DGKH: variants seen among roughly 807,000 people sequenced by gnomAD.
The protein encoded by DGKH is DAG kinase eta.
A neutral mutation model predicts 159.3 loss-of-function variants in DGKH; 90 were observed. The ratio of observed to expected loss-of-function variants is 0.57; its 90% CI spans 0.48 to 0.67. DGKH has a LOEUF of 0.67. DGKH is among the 30% of genes least tolerant of loss of function. The pLI, the probability that DGKH is intolerant of heterozygous loss-of-function variation, is 0.00. For synonymous variants in DGKH, 536 were observed against 553.8 expected, an observed-to-expected ratio of 0.97 and a Z score of 0.45; for missense variants, 1,181 against 1,506.1, an observed-to-expected ratio of 0.78 and a Z score of 3.57.
chr13:42,142,258 T>TCTGTTTTGGTACCAGTACCATG (rs1359638018), intron 3 of DGKH, among the ~76,000 whole-genome samples: 12 of 152,202 alleles, frequency 7.9e-5, no homozygotes, highest in Non-Finnish European at 1.6e-4. Flanking sequence ...GGTCTATATG[T>TCTGTTTTGGTACCAGTACCATG]CTGTTTTGGT....
intron 2 of DGKH, 81 bp downstream of exon 2, chr13:42,127,654 T>G: frequency 9.6e-7 from 1 of 1,038,980 alleles, no homozygotes; most frequent in Non-Finnish European, 1.5e-6. Flanking sequence ...TGTTTTTGTC[T>G]TGGAAGCGCA....
chr13:42,142,155 C>T (rs1038790398), intron 3 of DGKH, among the ~76,000 whole-genome samples: 1 of 152,092 alleles, frequency 6.6e-6, no homozygotes, highest in East Asian at 1.9e-4. Flanking sequence ...AATAGGGAAT[C>T]GTTTCCCCAT....
chr13:42,127,573 G>C lies in DGKH; in HGVS notation c.303G>C (p.Lys101Asn). Residue 101 changes from lysine (K) to asparagine (N), a missense_variant and splice_region_variant, in exon 2 of 30, where the codon AAG (lysine) becomes AAC (asparagine). This residue lies in a region of DGKH where 369 missense variants were observed against 519.4 expected (regional missense o/e 0.71). Transcript: ENST00000337343. ...CCCTTTACTATGCAAAGGACTCAAA[G>C]GTAACTCACGAGAATACTAGTTTCA... ...GRTLYYAKDS[K>N]SLIFDEVDLS... 4 of 1,612,578 alleles carry C rather than the reference G, an allele frequency of 2.5e-6. No homozygotes were observed. Among genetic ancestry groups the C allele is most frequent in the Non-Finnish European group, 3.4e-6 (4 of 1,179,062 alleles).
At chr13:42,255,270 A>G (rs1350577111) in intron 30 of DGKH, among the ~76,000 whole-genome samples, 1 of 152,140 alleles carries the variant, frequency 6.6e-6, no homozygotes, top group East Asian at 1.9e-4. Flanking sequence ...ATTTTATGAG[A>G]ATGAATGGAG....
At chr13:42,130,062 A>G (rs1166490112) in intron 3 of DGKH, among the ~76,000 whole-genome samples, 3 of 152,162 alleles carry the variant, frequency 2.0e-5, no homozygotes, top group African/African-American at 7.2e-5. Flanking sequence ...CACTTAGGTG[A>G]TTCATTCGGC....
intron 13 of DGKH, among the ~76,000 whole-genome samples, chr13:42,182,597 C>T (rs1305763876): frequency 6.6e-6 from 1 of 151,954 alleles, no homozygotes; most frequent in Non-Finnish European, 1.5e-5. Context: ...CTGTATTGTT[C>T]AGGGAATGAT....
chr13:42,129,395 T>C (rs1955241903), intron 2 of DGKH, among the ~76,000 whole-genome samples, 157 bp from the exon 3 acceptor site: 1 of 152,242 alleles, frequency 6.6e-6, no homozygotes, highest in Non-Finnish European at 1.5e-5. Flanking sequence ...ACTTTATGCT[T>C]TTATTTTTCC....
chr13:42,213,680 A>G (rs1251179878), intron 24 of DGKH, among the ~76,000 whole-genome samples: 2 of 152,148 alleles, frequency 1.3e-5, no homozygotes, highest in African/African-American at 4.8e-5. Context: ...ATAGGGCCTC[A>G]GTCCCTTTTC....
rs536815505 is a variant in DGKH at position 42,182,864 on chromosome 13, C to T, written c.1539-4185C>T. Reference sequence around the variant, plus strand: ...CATATCCCATTTCCCTTAGTTTTCTCAGAGGTTTTTCTGTGAACCTTGTCT... The same window carrying T: ...CATATCCCATTTCCCTTAGTTTTCTTAGAGGTTTTTCTGTGAACCTTGTCT... On this transcript the variant is annotated intron_variant, in intron 13 of 29. Transcript: ENST00000337343. Among the ~76,000 whole-genome samples the T allele has an allele frequency of 2.6e-5, 4 of 151,638 alleles. No homozygotes were observed. In the South Asian group the frequency reaches 6.2e-4, roughly 24 times the overall value.
chr13:42,225,150 T>C, intron 29 of DGKH: 1 of 723,612 alleles, frequency 1.4e-6, no homozygotes, highest in South Asian at 1.7e-5. Context: ...CTTGAACTCC[T>C]GGCCTCAAGA....
rs186937595 is a variant in DGKH, at chr13:42,199,156, A to G, written c.2286-410A>G. The stretch of plus-strand genomic sequence containing the variant: ...ATTGGATCTAGTACTTTTTTGCTCA[A>G]TAAATATTTGTCCATTGTTAAGTGT... On this transcript the variant is annotated intron_variant, in intron 18 of 29. Coordinates refer to ENST00000337343, the MANE Select transcript of DGKH (RefSeq NM_178009.5). Among the ~76,000 whole-genome samples the G allele has an allele frequency of 5.3e-5, 8 of 152,320 alleles. No homozygotes were observed. The East Asian group carries it at 1.3e-3, about 26-fold the overall frequency.
chr13:42,185,251 A>G (rs889194228), intron 13 of DGKH, among the ~76,000 whole-genome samples: 1 of 152,230 alleles, frequency 6.6e-6, no homozygotes, highest in Non-Finnish European at 1.5e-5. Context: ...TCCTTTTAGC[A>G]TATGGAACTT....
chr13:42,230,934 C>T lies in DGKH; in HGVS notation c.*1746C>T, dbSNP rs1025531030. On this transcript the variant is annotated 3_prime_UTR_variant, in exon 30 of 30. Transcript: ENST00000337343. ...TGGGTATTTAACTACTAGTAAAAATCACAAAATTTTAATGTCTTTAAAATA... is the reference window on the plus strand; with the variant it reads ...TGGGTATTTAACTACTAGTAAAAATTACAAAATTTTAATGTCTTTAAAATA... 1 of 152,070 alleles carries T rather than the reference C, an allele frequency of 6.6e-6. No homozygotes were observed. Among genetic ancestry groups the T allele is most frequent in the Non-Finnish European group, 1.5e-5 (1 of 68,004 alleles). The allele number at this position is 152,070 out of a possible 1,614,324, so 9.4% of individuals were successfully genotyped here.
chr13:42,072,270 A>G (rs1883024914), intron 1 of DGKH, among the ~76,000 whole-genome samples: 1 of 152,172 alleles, frequency 6.6e-6, no homozygotes, highest in Non-Finnish European at 1.5e-5. Context: ...CTTAAATCCC[A>G]GTTGTCCTAT....
intron 18 of DGKH, 38 bp from the exon 19 acceptor site, chr13:42,199,528 T>A (rs1387302073): frequency 7.3e-7 from 1 of 1,370,618 alleles, no homozygotes; most frequent in African/African-American, 1.5e-5. Context: ...ATAATGAATC[T>A]CAAATTGACT....
At chr13:42,100,434 A>G (rs1954631789) in intron 1 of DGKH, among the ~76,000 whole-genome samples, 1 of 152,130 alleles carries the variant, frequency 6.6e-6, no homozygotes, top group African/African-American at 2.4e-5. Context: ...TGCTTGAGTC[A>G]TCCTGAAACC....
chr13:42,131,380 GCT>G (rs146911475), intron 3 of DGKH, among the ~76,000 whole-genome samples: 108 of 152,312 alleles, frequency 7.1e-4, no homozygotes, highest in African/African-American at 2.5e-3. Flanking sequence ...AAGCATGATT[GCT>G]GAGTAAGCTG....
chr13:42,132,169 C>A (rs1433077645), intron 3 of DGKH, among the ~76,000 whole-genome samples: 4 of 152,038 alleles, frequency 2.6e-5, no homozygotes, highest in Non-Finnish European at 5.9e-5. Flanking sequence ...AATGATTGTA[C>A]ATATTTGTAG....
At chr13:42,213,540 A>G (rs567519602) in intron 24 of DGKH, among the ~76,000 whole-genome samples, 2 of 152,284 alleles carry the variant, frequency 1.3e-5, no homozygotes, top group East Asian at 1.9e-4. Context: ...AAAATAGCCC[A>G]TTCTTCATGG....
Sources: allele counts gnomAD v4.1 joint callset (sites outside exome capture counted in the v4.1 genomes callset), GRCh38; gene constraint gnomAD v4.1.1; regional missense constraint gnomAD v4.1.1; transcripts MANE v1.5; gene names NCBI Gene and HGNC (gene_info 2026-07-23, HGNC 2026-07-21).